PDGFC: variants seen among roughly 807,000 people sequenced by gnomAD.
The protein encoded by PDGFC is platelet derived growth factor C.
Under a neutral mutation model 35.5 loss-of-function variants are expected in PDGFC, and 12 were observed. That is an observed-to-expected ratio of 0.34 (90% CI 0.22 to 0.55). The LOEUF is 0.55. PDGFC is among the 20% of genes least tolerant of loss of function. The pLI is 0.91. For missense variants in PDGFC, 322 were observed against 412.4 expected, an observed-to-expected ratio of 0.78 and a Z score of 1.90; for synonymous variants, 159 against 148.8, an observed-to-expected ratio of 1.07 and a Z score of -0.50.
At chr4:156,807,287 T>C (rs1055608576) in intron 3 of PDGFC, among the ~76,000 whole-genome samples, 5 of 152,072 alleles carry the variant, frequency 3.3e-5, no homozygotes, top group African/African-American at 7.2e-5. Flanking sequence ...CTCAAGTAAA[T>C]AACATATGCT....
intron 1 of PDGFC, among the ~76,000 whole-genome samples, chr4:156,931,957 A>G (rs774130090): frequency 6.6e-6 from 1 of 152,194 alleles, no homozygotes; most frequent in Non-Finnish European, 1.5e-5. Context: ...ACATTTAAAG[A>G]GCATCTGCAA....
chr4:156,847,020 T>C (rs757303603), intron 2 of PDGFC, among the ~76,000 whole-genome samples: 2 of 151,474 alleles, frequency 1.3e-5, no homozygotes, highest in African/African-American at 4.8e-5. Context: ...ATAAAATAAA[T>C]ATTATTAATT....
At chr4:156,848,857 C>A (rs1159509437) in intron 2 of PDGFC, among the ~76,000 whole-genome samples, 17 of 151,824 alleles carry the variant, frequency 1.1e-4, no homozygotes, top group Admixed American at 2.0e-4. Flanking sequence ...TTGGTGTTAA[C>A]CTGTGGGAAC....
rs373237407 is a variant in PDGFC at position 156,893,564 on chromosome 4, T to C, written c.119-43148A>G. On this transcript the variant is annotated intron_variant, in intron 1 of 5. Transcript: ENST00000502773. ...GTTGACCAGGACGGTCATGAACTCCTGGCCTCGAGTGATCCTCCTACCTTG... is the reference window on the plus strand; with the variant it reads ...GTTGACCAGGACGGTCATGAACTCCCGGCCTCGAGTGATCCTCCTACCTTG... 5.3e-5 allele frequency among the ~76,000 whole-genome samples: 8 copies of C among 152,106 alleles called. No individual in the cohort carries two copies. The East Asian group carries it at 9.7e-4, about 18-fold the overall frequency.
At chr4:156,902,693 T>C (rs929240253) in intron 1 of PDGFC, among the ~76,000 whole-genome samples, 2 of 152,212 alleles carry the variant, frequency 1.3e-5, no homozygotes, top group African/African-American at 2.4e-5. Context: ...CAATTTCCTA[T>C]TGATGAACCG....
chr4:156,781,402 C>T (rs962151148), intron 3 of PDGFC, among the ~76,000 whole-genome samples: 1 of 152,106 alleles, frequency 6.6e-6, no homozygotes, highest in African/African-American at 2.4e-5. Context: ...AACAAATGGT[C>T]AATAGAGTAT....
At chr4:156,843,754 T>C (rs1382896893) in intron 2 of PDGFC, among the ~76,000 whole-genome samples, 2 of 152,158 alleles carry the variant, frequency 1.3e-5, no homozygotes, top group Non-Finnish European at 2.9e-5. Context: ...CAAAACCAGC[T>C]TGGACAATAA....
intron 1 of PDGFC, among the ~76,000 whole-genome samples, chr4:156,955,712 T>C (rs1422209503): frequency 6.6e-6 from 1 of 151,984 alleles, no homozygotes; most frequent in Non-Finnish European, 1.5e-5. Flanking sequence ...CGCAGAAGGC[T>C]ATAATCATTA....
intron 3 of PDGFC, among the ~76,000 whole-genome samples, chr4:156,798,221 A>T (rs2110905322): frequency 6.6e-6 from 1 of 152,158 alleles, no homozygotes; most frequent in South Asian, 2.1e-4. Context: ...ACAAAAACAA[A>T]ACAACAACAA....
chr4:156,830,317 C>A (rs1343598407), intron 2 of PDGFC, among the ~76,000 whole-genome samples: 2 of 151,270 alleles, frequency 1.3e-5, no homozygotes, highest in East Asian at 3.9e-4. Context: ...TAGCATTATA[C>A]CATTCCATTT....
At chr4:156,812,842 GTC>G (rs1465828889) in intron 2 of PDGFC, among the ~76,000 whole-genome samples, 7 of 152,066 alleles carry the variant, frequency 4.6e-5, no homozygotes, top group African/African-American at 1.7e-4. Flanking sequence ...AAGAAAGTTT[GTC>G]TCCCATCTCT....
chr4:156,944,497 T>C (rs1395314743), intron 1 of PDGFC, among the ~76,000 whole-genome samples: 2 of 152,162 alleles, frequency 1.3e-5, no homozygotes, highest in Non-Finnish European at 2.9e-5. Context: ...CCATCACCAA[T>C]GTGTGTCTCT....
intron 1 of PDGFC, among the ~76,000 whole-genome samples, chr4:156,888,002 T>TAAA (rs35591023): frequency 1.6e-5 from 2 of 125,866 alleles, no homozygotes; most frequent in African/African-American, 2.9e-5. Flanking sequence ...AACCCCGTCT[T>TAAA]AAAAAAAAAA....
chr4:156,927,192 G>C (rs547566717), intron 1 of PDGFC, among the ~76,000 whole-genome samples: 1 of 152,274 alleles, frequency 6.6e-6, no homozygotes, highest in East Asian at 1.9e-4. Context: ...ACAGCAGAGA[G>C]ACGCTGGGCC....
In PDGFC at chr4:156,762,704, A is replaced by C. The variant is rs1379271397; in HGVS notation, c.*386T>G. On this transcript the variant is annotated 3_prime_UTR_variant, in exon 6 of 6. Transcript: ENST00000502773. ...GCTTTAGAGTTAAGCAAGGCAACGG[A>C]ATCAGGTGCTCACTTGCACAGTTTT... The C allele has an allele frequency of 1.3e-5, 2 of 157,570 alleles. No homozygotes were observed. The highest frequency in any genetic ancestry group is 2.4e-5 in the African/African-American group (1 of 41,632). The allele number at this position is 157,570 out of a possible 1,614,324, so 9.8% of individuals were successfully genotyped here.
At chr4:156,929,025 A>C (rs1731486103) in intron 1 of PDGFC, among the ~76,000 whole-genome samples, 1 of 152,240 alleles carries the variant, frequency 6.6e-6, no homozygotes, top group South Asian at 2.1e-4. Context: ...ATACTTAGAA[A>C]CAATCTCTAT....
In PDGFC at chr4:156,890,435, G is replaced by A. The variant is rs1444528622; in HGVS notation, c.119-40019C>T. On this transcript the variant is annotated intron_variant, in intron 1 of 5. Coordinates refer to ENST00000502773, the MANE Select transcript of PDGFC (RefSeq NM_016205.3). Reference sequence around the variant, plus strand: ...TATGCTGCTTCAGCACTTGGCACGCGCTGCCGTCTCTGTTTCGAATGCCCT... The same window carrying A: ...TATGCTGCTTCAGCACTTGGCACGCACTGCCGTCTCTGTTTCGAATGCCCT... 3.9e-5 allele frequency among the ~76,000 whole-genome samples: 6 copies of A among 152,194 alleles called. No homozygotes were observed. The Middle Eastern group carries it at 0.014, about 345-fold the overall frequency.
In PDGFC at chr4:156,909,373, A is replaced by C. The variant is rs137894643; in HGVS notation, c.119-58957T>G. Among the ~76,000 whole-genome samples the C allele has an allele frequency of 8.6e-3, 1,317 of 152,336 alleles. 8 individuals are homozygous for C. Among genetic ancestry groups the C allele is most frequent in the South Asian group, 0.014 (69 of 4,832 alleles). On this transcript the variant is annotated intron_variant, in intron 1 of 5. Coordinates refer to ENST00000502773, the MANE Select transcript of PDGFC (RefSeq NM_016205.3). ...ACCTAAACTTCTCTAAAGTTGGGAC[A>C]AACAGAATTCTCTCTTAGCATTGCA...
chr4:156,792,716 C>T (rs1731329866), intron 3 of PDGFC, among the ~76,000 whole-genome samples: 2 of 152,160 alleles, frequency 1.3e-5, no homozygotes, highest in Admixed American at 1.3e-4. Context: ...CAATGAATAA[C>T]TGTGGTTTCC....
Sources: gnomAD v4.1 joint callset for allele counts (sites outside exome capture counted in the v4.1 genomes callset) on GRCh38, gnomAD v4.1.1 for gene constraint, MANE v1.5 for transcripts, NCBI Gene and HGNC (gene_info 2026-07-23, HGNC 2026-07-21) for gene names.